The following KLRK1 variants were observed in gnomAD, a reference collection of about 807,000 sequenced individuals.
KLRK1 encodes the protein killer cell lectin like receptor K1, also known as NKG2-D type II integral membrane protein.
In KLRK1, 40 loss-of-function variants were observed where a neutral mutation model predicts 31.3. The observed-to-expected ratio is 1.28, with a 90% CI of 0.99 to 1.67. The LOEUF (loss-of-function observed/expected upper bound fraction) is 1.67, where lower values mean the gene tolerates loss of function less well. KLRK1 is among the 40% of genes most tolerant of loss of function. The pLI is 0.00. For synonymous variants in KLRK1, 77 were observed against 77.3 expected, an observed-to-expected ratio of 1.00 and a Z score of 0.02; for missense variants, 251 against 260.0, an observed-to-expected ratio of 0.97 and a Z score of 0.24.
At chr12:10,386,312 T>G (rs1487397548) in intron 3 of KLRK1, among the ~76,000 whole-genome samples, 2 of 152,090 alleles carry the variant, frequency 1.3e-5, no homozygotes, top group East Asian at 3.8e-4. Flanking sequence ...CAAAAAGGGA[T>G]TTTTACATAT....
intron 3 of KLRK1, among the ~76,000 whole-genome samples, chr12:10,385,491 T>C (rs140773359): frequency 7.6e-4 from 116 of 152,072 alleles, no homozygotes; most frequent in African/African-American, 2.6e-3. Flanking sequence ...TAATGTTACG[T>C]AGAGTAAATC....
At position 10,388,773 on chromosome 12, in the gene KLRK1, C is replaced by T; in HGVS notation, c.38G>A (p.Trp13Ter). 1.2e-6 allele frequency: 2 copies of T among 1,613,820 alleles called. No homozygotes were observed. Among genetic ancestry groups the T allele is most frequent in the South Asian group, 1.1e-5 (1 of 91,078 alleles). ...ACACTTATGTGGTAAAAACATACCC[C>T]AGCTGTGTCGAGACCTCCGACCACG... ...WIRGRRSRHSWEMSEFHNYNL... is the reference protein window; with the variant it reads ...WIRGRRSRHS Residue 13 changes from tryptophan to a stop codon, truncating the protein, a stop_gained and splice_region_variant, in exon 2 of 8, where the codon TGG (tryptophan) becomes TAG (stop). Coordinates refer to ENST00000240618, the MANE Select transcript of KLRK1 (RefSeq NM_007360.4). LOFTEE classifies it high-confidence loss of function.
At chr12:10,380,392 A>ATAAT (rs1863052803) in intron 3 of KLRK1, among the ~76,000 whole-genome samples, 1 of 152,196 alleles carries the variant, frequency 6.6e-6, no homozygotes. Flanking sequence ...TGCAGATACA[A>ATAAT]TAATAAACAT....
At chr12:10,380,865 T>C (rs892696690) in intron 3 of KLRK1, among the ~76,000 whole-genome samples, 7 of 151,902 alleles carry the variant, frequency 4.6e-5, no homozygotes, top group Admixed American at 4.6e-4. Flanking sequence ...ATTTTGAGAG[T>C]GTAGCCACCA....
At position 10,379,755 on chromosome 12, in the gene KLRK1, G is replaced by C; in HGVS notation, c.186C>G (p.Ala62=). The change falls in exon 4 of 8, where the codon GCC becomes GCG. Residue 62 remains alanine (A), a synonymous_variant. Transcript: ENST00000240618. ...PFFFCCFIAV[A]MGIRFIIMVT... ...CCATAATAATGAAACGGATTCCCAT[G>C]GCTACAGCGATGAAGCAGCAGAAAA... 2 of 1,612,314 alleles carry C rather than the reference G, an allele frequency of 1.2e-6. No homozygotes were observed. The highest frequency in any genetic ancestry group is 8.5e-7 in the Non-Finnish European group (1 of 1,179,154).
chr12:10,386,823 G>A, intron 3 of KLRK1, 80 bp downstream of exon 3: 1 of 1,013,898 alleles, frequency 9.9e-7, no homozygotes, highest in Non-Finnish European at 1.4e-6. Context: ...TCAACTGAAT[G>A]ATTGCCATTC....
At position 10,378,656 on chromosome 12, in the gene KLRK1, G is replaced by GTTATT. The variant is rs1182309685; in HGVS notation, c.322_326dup (p.Asn109LysfsTer29). On this transcript the variant is annotated frameshift_variant, in exon 6 of 8. Transcript: ENST00000240618. LOFTEE classifies it high-confidence loss of function. ...TACTCTCATCAAAAAATTGGTAGCA[G>GTTATT]TTATTTTTGTAACATATCCAGTTTT... 6.2e-7 allele frequency: 1 copy of GTTATT among 1,609,840 alleles called. No individual in the cohort carries two copies. The highest frequency in any genetic ancestry group is 1.3e-5 in the African/African-American group (1 of 74,526).
At chr12:10,380,059 G>GTT (rs1162094591) in intron 3 of KLRK1, among the ~76,000 whole-genome samples, 455 of 83,758 alleles carry the variant, frequency 5.4e-3, no homozygotes, top group African/African-American at 9.0e-3. Context: ...TGTTGTTATT[G>GTT]TTTTTTTTTT....
intron 3 of KLRK1, among the ~76,000 whole-genome samples, chr12:10,384,469 T>G (rs1187607940): frequency 6.6e-6 from 1 of 152,004 alleles, no homozygotes; most frequent in African/African-American, 2.4e-5. Flanking sequence ...CAACTGATTT[T>G]TCCAGAAAGT....
intron 7 of KLRK1, 102 bp from the exon 8 acceptor site, chr12:10,373,333 A>G: frequency 2.2e-6 from 2 of 923,704 alleles, no homozygotes; most frequent in Non-Finnish European, 3.2e-6. Flanking sequence ...ACTTAATACC[A>G]TTTTAGGAGA....
intron 3 of KLRK1, among the ~76,000 whole-genome samples, chr12:10,383,199 A>G (rs1863108225): frequency 6.6e-6 from 1 of 152,112 alleles, no homozygotes; most frequent in Non-Finnish European, 1.5e-5. Flanking sequence ...AGTAAAAGAC[A>G]TAGAGTGACT....
intron 1 of KLRK1, among the ~76,000 whole-genome samples, chr12:10,389,145 C>T (rs1335463854): frequency 1.3e-5 from 2 of 152,108 alleles, no homozygotes; most frequent in Non-Finnish European, 2.9e-5. Context: ...CAATATTTTA[C>T]TTTACTGATA....
At chr12:10,373,846 A>G (rs1194066286) in intron 7 of KLRK1, among the ~76,000 whole-genome samples, 1 of 152,224 alleles carries the variant, frequency 6.6e-6, no homozygotes, top group Non-Finnish European at 1.5e-5. Flanking sequence ...TGGGAAATAG[A>G]AAGCTCAAGA....
rs1388605867 is a variant in KLRK1 at position 10,390,030 on chromosome 12, A to G, written c.-153T>C. ...TAGATATGTCCTCAGTTCCTGATCT[A>G]GAATTGAAAGTGGAGATACTTAGTG... On this transcript the variant is annotated 5_prime_UTR_variant, in exon 1 of 8. Coordinates refer to ENST00000240618, the MANE Select transcript of KLRK1 (RefSeq NM_007360.4). 6.6e-6 allele frequency: 1 copy of G among 152,126 alleles called. No homozygotes were observed. The highest frequency in any genetic ancestry group is 2.1e-4 in the South Asian group (1 of 4,836). The allele number at this position is 152,126 out of a possible 1,614,324, so 9.4% of individuals were successfully genotyped here. A position where few individuals can be genotyped will look rare whatever the true frequency, so the allele number is the denominator to read the frequency against.
intron 3 of KLRK1, among the ~76,000 whole-genome samples, chr12:10,380,111 G>A (rs1863045466): frequency 7.7e-6 from 1 of 130,698 alleles, no homozygotes; most frequent in African/African-American, 2.9e-5. Context: ...TGTCGCCCAG[G>A]CTGGAGTGCA....
chr12:10,378,459 A>G, intron 6 of KLRK1, 95 bp downstream of exon 6: 1 of 1,552,290 alleles, frequency 6.4e-7, no homozygotes, highest in Non-Finnish European at 8.7e-7. Flanking sequence ...TAACCAAGTC[A>G]CAGTGTCCCT....
At chr12:10,380,266 C>T (rs895655330) in intron 3 of KLRK1, among the ~76,000 whole-genome samples, 3 of 152,022 alleles carry the variant, frequency 2.0e-5, no homozygotes, top group Non-Finnish European at 2.9e-5. Context: ...AGGGTTTCAC[C>T]GTGTTAGCCA....
intron 3 of KLRK1, among the ~76,000 whole-genome samples, chr12:10,382,801 A>G (rs946065680): frequency 2.0e-5 from 3 of 152,242 alleles, no homozygotes; most frequent in Admixed American, 1.3e-4. Context: ...GATAGTCAAT[A>G]TAAAATGATG....
rs1862896147 is a variant in KLRK1, at chr12:10,373,227, T to C, written c.538A>G (p.Thr180Ala). Residue 180 changes from threonine (T) to alanine (A), a missense_variant, in exon 8 of 8, where the codon ACA becomes GCA. By Grantham distance (58) the Thr-to-Ala change is moderately conservative. Coordinates refer to ENST00000240618, the MANE Select transcript of KLRK1 (RefSeq NM_007360.4). ...TCTCCCTTCTGCATTTCAATTATTG[T>C]TAGTCTAGAGGAGAGACAATTACAA... ...DGSILSPNLL[T>A]IIEMQKGDCA... 21 of 1,593,582 alleles carry C rather than the reference T, an allele frequency of 1.3e-5. No homozygotes were observed. In the East Asian group the frequency reaches 4.7e-4, roughly 36 times the overall value.
Sources: gnomAD v4.1 joint callset for allele counts (sites outside exome capture counted in the v4.1 genomes callset) on GRCh38, gnomAD v4.1.1 for gene constraint, MANE v1.5 for transcripts, NCBI Gene and HGNC (gene_info 2026-07-23, HGNC 2026-07-21) for gene names.